The following ADAMTSL1 variants were observed in gnomAD, a reference collection of about 807,000 sequenced individuals.
ADAMTSL1 encodes ADAMTS-like protein 1.
ADAMTSL1 carries 126 observed loss-of-function variants against 201.8 expected under a neutral mutation model. The observed-to-expected ratio is 0.62, with a 90% CI of 0.54 to 0.72. ADAMTSL1 has a LOEUF of 0.72. ADAMTSL1 is among the 30% of genes least tolerant of loss of function. The pLI is 0.00. For missense variants in ADAMTSL1, 2,679 were observed against 2,277.8 expected, an observed-to-expected ratio of 1.18 and a Z score of -3.59; for synonymous variants, 1,121 against 903.4, an observed-to-expected ratio of 1.24 and a Z score of -4.32.
intron 26 of ADAMTSL1, 99 bp from the exon 27 acceptor site, chr9:18,905,683 G>T: frequency 1.2e-6 from 1 of 849,802 alleles, no homozygotes; most frequent in Non-Finnish European, 1.9e-6. Context: ...CCTCCAACAA[G>T]ACCTACACAA....
intron 1 of ADAMTSL1, among the ~76,000 whole-genome samples, chr9:17,916,200 T>G (rs1588410029): frequency 6.6e-6 from 1 of 152,212 alleles, no homozygotes; most frequent in Admixed American, 6.5e-5. Context: ...GGATTACAGG[T>G]GTGAGCCACC....
intron 1 of ADAMTSL1, among the ~76,000 whole-genome samples, chr9:18,089,280 C>T (rs1823902731): frequency 6.6e-6 from 1 of 152,148 alleles, no homozygotes; most frequent in Non-Finnish European, 1.5e-5. Context: ...GAATACTCTG[C>T]AGCCATAAAA....
intron 2 of ADAMTSL1, among the ~76,000 whole-genome samples, chr9:18,330,858 G>A (rs1390678561): frequency 6.6e-6 from 1 of 152,150 alleles, no homozygotes; most frequent in African/African-American, 2.4e-5. Flanking sequence ...CTGATTAACT[G>A]TTATTTACTG....
At chr9:18,414,096 C>T (rs1438753385) in intron 2 of ADAMTSL1, among the ~76,000 whole-genome samples, 1 of 152,158 alleles carries the variant, frequency 6.6e-6, no homozygotes, top group Non-Finnish European at 1.5e-5. Flanking sequence ...GATATTTTCT[C>T]TACAGTTGAC....
intron 2 of ADAMTSL1, among the ~76,000 whole-genome samples, chr9:18,276,704 G>C (rs1438065186): frequency 1.3e-5 from 2 of 152,226 alleles, no homozygotes; most frequent in African/African-American, 4.8e-5. Flanking sequence ...TATATCACAT[G>C]ATGAGAACAG....
In ADAMTSL1 at chr9:18,829,718, A is replaced by T. The variant is rs1325636869; in HGVS notation, c.4115-125A>T. On this transcript the variant is annotated intron_variant, in intron 22 of 28. Transcript: ENST00000380548. ...ATAGGAAAAATAATGTTAAAAGGCAACAATAGTAATGCCTATCTTACATAT... is the reference window on the plus strand; with the variant it reads ...ATAGGAAAAATAATGTTAAAAGGCATCAATAGTAATGCCTATCTTACATAT... The T allele has an allele frequency of 1.9e-5, 25 of 1,307,964 alleles. No individual in the cohort carries two copies. In the Admixed American group the frequency reaches 5.5e-4, roughly 29 times the overall value. 81.0% of individuals were successfully genotyped at this position (1,307,964 alleles called of 1,614,324 possible).
Position 18,892,518 on chromosome 9 carries a change from G to A in ADAMTSL1, c.4773G>A (p.Gln1591=), listed in dbSNP as rs1199662414. 2 of 1,599,114 alleles carry A rather than the reference G, an allele frequency of 1.3e-6. No homozygotes were observed. Among genetic ancestry groups the A allele is most frequent in the South Asian group, 2.3e-5 (2 of 88,274 alleles). ...CTGTGTCCAATGACATGTGCACCCA[G>A]GTCGCCAAGCGGCCTGTGGACACCC... The part of the protein sequence containing the change: ...STPVSNDMCT[Q]VAKRPVDTQA... Residue 1591 remains glutamine (Q), a synonymous_variant, in exon 26 of 29, where the codon CAG becomes CAA. Coordinates refer to ENST00000380548, the MANE Select transcript of ADAMTSL1 (RefSeq NM_001040272.6).
intron 2 of ADAMTSL1, among the ~76,000 whole-genome samples, chr9:18,344,451 C>T (rs903712419): frequency 2.0e-5 from 3 of 151,968 alleles, no homozygotes; most frequent in African/African-American, 7.2e-5. Flanking sequence ...TTAGGGGCAC[C>T]TGGCCTTAAT....
At chr9:18,665,334 A>G (rs935676198) in intron 9 of ADAMTSL1, among the ~76,000 whole-genome samples, 1 of 152,120 alleles carries the variant, frequency 6.6e-6, no homozygotes, top group African/African-American at 2.4e-5. Flanking sequence ...TGAACTAATC[A>G]ACTAAAATCA....
chr9:18,381,784 G>T (rs73432638), intron 2 of ADAMTSL1, among the ~76,000 whole-genome samples: 2,111 of 151,806 alleles, frequency 0.014, 46 homozygotes, highest in African/African-American at 0.048. Context: ...GAGCAGGAGA[G>T]GGGGGATTAG....
intron 1 of ADAMTSL1, among the ~76,000 whole-genome samples, chr9:17,922,581 A>G (rs1051009051): frequency 6.6e-6 from 1 of 152,052 alleles, no homozygotes; most frequent in African/African-American, 2.4e-5. Flanking sequence ...ACACATTTTG[A>G]CCAAAAACCA....
intron 26 of ADAMTSL1, among the ~76,000 whole-genome samples, chr9:18,894,184 AC>A (rs376385932): frequency 5.9e-5 from 9 of 152,308 alleles, no homozygotes; most frequent in African/African-American, 2.2e-4. Context: ...GCACAATCAG[AC>A]TTTTAAGATT....
Position 18,770,667 on chromosome 9 carries a change from T to C in ADAMTSL1, c.2283T>C (p.Asp761=), listed in dbSNP as rs1396110371. ...TTCTTTGCAAGCAGCGCATGGCTGATGGCAGCTTCCTGGAGCTTCCTGAGA... is the reference window on the plus strand; with the variant it reads ...TTCTTTGCAAGCAGCGCATGGCTGACGGCAGCTTCCTGGAGCTTCCTGAGA... ...REVLCKQRMA[D]GSFLELPETF... is the part of the protein sequence containing the mutation. The change falls in exon 17 of 29, where the codon GAT becomes GAC. Residue 761 remains aspartate (D), a synonymous_variant. Coordinates refer to ENST00000380548, the MANE Select transcript of ADAMTSL1 (RefSeq NM_001040272.6). 4 of 1,613,732 alleles carry C rather than the reference T, an allele frequency of 2.5e-6. No homozygotes were observed. The East Asian group carries it at 6.7e-5, about 27-fold the overall frequency.
chr9:18,644,952 G>A (rs1053396090), intron 7 of ADAMTSL1, among the ~76,000 whole-genome samples: 21 of 151,786 alleles, frequency 1.4e-4, no homozygotes, highest in African/African-American at 4.6e-4. Context: ...AGATCCCTGA[G>A]GAATCGCCAC....
chr9:18,596,329 C>A (rs1348301313), intron 4 of ADAMTSL1, among the ~76,000 whole-genome samples: 4 of 152,060 alleles, frequency 2.6e-5, no homozygotes, highest in Non-Finnish European at 4.4e-5. Flanking sequence ...AATTTTGTAT[C>A]CAATCAGATA....
At chr9:18,434,002 G>T (rs939116075) in intron 2 of ADAMTSL1, among the ~76,000 whole-genome samples, 4 of 152,162 alleles carry the variant, frequency 2.6e-5, no homozygotes, top group African/African-American at 9.7e-5. Context: ...CACACAGGTA[G>T]GTTATCATAA....
At chr9:18,343,705 G>T (rs1350873417) in intron 2 of ADAMTSL1, among the ~76,000 whole-genome samples, 1 of 152,130 alleles carries the variant, frequency 6.6e-6, no homozygotes, top group Non-Finnish European at 1.5e-5. Flanking sequence ...TGACTAGGTT[G>T]CACCATCTGA....
intron 15 of ADAMTSL1, among the ~76,000 whole-genome samples, chr9:18,745,407 C>T (rs981511009): frequency 1.3e-5 from 2 of 152,182 alleles, no homozygotes; most frequent in Non-Finnish European, 2.9e-5. Context: ...CAAGCTGGCC[C>T]CTATGCCCTT....
intron 1 of ADAMTSL1, among the ~76,000 whole-genome samples, chr9:18,094,338 T>C (rs1435349113): frequency 6.6e-6 from 1 of 152,216 alleles, no homozygotes; most frequent in East Asian, 1.9e-4. Flanking sequence ...CTCTATTCCC[T>C]GATTACTCAC....
Sources: gnomAD v4.1 joint callset for allele counts (sites outside exome capture counted in the v4.1 genomes callset) on GRCh38, gnomAD v4.1.1 for gene constraint, MANE v1.5 for transcripts, NCBI Gene and HGNC (gene_info 2026-07-23, HGNC 2026-07-21) for gene names.